Variants in CDKL4 observed in about 807,000 individuals in gnomAD.
The protein encoded by CDKL4 is cyclin-dependent kinase-like 4.
A neutral mutation model predicts 42.0 loss-of-function variants in CDKL4; 44 were observed. The ratio of observed to expected loss-of-function variants is 1.05; its 90% CI spans 0.82 to 1.35. CDKL4 has a LOEUF of 1.35. Ranked by LOEUF, CDKL4 falls within the 40% of genes most tolerant of loss-of-function variation. The probability of loss-of-function intolerance (pLI) is 0.00; values close to 1 mark genes in which losing one functional copy is unlikely to be tolerated. For missense variants in CDKL4, 393 were observed against 369.9 expected, an observed-to-expected ratio of 1.06 and a Z score of -0.51; for synonymous variants, 120 against 121.6, an observed-to-expected ratio of 0.99 and a Z score of 0.09.
In CDKL4 at chr2:39,203,994, T is replaced by G. The variant is rs556323576; in HGVS notation, c.454+533A>C. On this transcript the variant is annotated intron_variant, in intron 5 of 9. Transcript: ENST00000451199. The stretch of plus-strand genomic sequence containing the variant: ...CATATATTTGTCTGCTGTAAAGTTC[T>G]AGATTGAGGGAGAAACAATTATTTG... Among the ~76,000 whole-genome samples, 13 of 152,332 alleles carry G rather than the reference T, an allele frequency of 8.5e-5. No homozygotes were observed. The South Asian group carries it at 2.7e-3, about 32-fold the overall frequency.
downstream of CDKL4, among the ~76,000 whole-genome samples, chr2:39,173,108 G>A (rs973115530): frequency 6.6e-6 from 1 of 152,106 alleles, no homozygotes; most frequent in Non-Finnish European, 1.5e-5. Context: ...ATAATTACAA[G>A]CAAAATGGGC....
At chr2:39,174,666 C>T (rs77739109), downstream of CDKL4, among the ~76,000 whole-genome samples, 3,711 of 152,248 alleles carry the variant, frequency 0.024, 67 homozygotes, top group South Asian at 0.05. Context: ...ATGCCAGACA[C>T]GGGAGCGGAA....
intron 5 of CDKL4, among the ~76,000 whole-genome samples, chr2:39,191,575 G>A (rs923063739): frequency 3.3e-5 from 5 of 152,114 alleles, no homozygotes; most frequent in African/African-American, 1.2e-4. Context: ...GGCAGCCCCA[G>A]GAAACTAATG....
At chr2:39,240,530 C>A (rs1679608607) in intron 1 of CDKL4, among the ~76,000 whole-genome samples, 1 of 151,492 alleles carries the variant, frequency 6.6e-6, no homozygotes. Flanking sequence ...ATGTTCACAG[C>A]ACCATTATTC....
rs146914578 is a variant in CDKL4 at position 39,235,695 on chromosome 2, T to C, written c.-56-6107A>G. The stretch of plus-strand genomic sequence containing the variant: ...CTGGGAGTTCAAGGTTATAGTACTG[T>C]AGAACTATGATCATGCCACTGCACT... On this transcript the variant is annotated intron_variant, in intron 1 of 9. Coordinates refer to ENST00000451199, the Ensembl canonical transcript of CDKL4. Among the ~76,000 whole-genome samples, 237 of 152,202 alleles carry C rather than the reference T, an allele frequency of 1.6e-3. 2 individuals are homozygous for C. Among genetic ancestry groups the C allele is most frequent in the African/African-American group, 5.0e-3 (209 of 41,514 alleles).
chr2:39,245,212 T>G (rs1353281449), upstream of CDKL4, among the ~76,000 whole-genome samples: 1 of 152,178 alleles, frequency 6.6e-6, no homozygotes, highest in East Asian at 1.9e-4. Flanking sequence ...TTTTATGAGT[T>G]GTAACACTCA....
chr2:39,236,200 C>G (rs1256094087), intron 1 of CDKL4, among the ~76,000 whole-genome samples: 1 of 139,558 alleles, frequency 7.2e-6, no homozygotes, highest in African/African-American at 2.7e-5. Context: ...GTAGATGGGA[C>G]AAACAGCAGA....
chr2:39,178,779 A>G (rs776754906), intron 9 of CDKL4: 12 of 1,585,058 alleles, frequency 7.6e-6, no homozygotes, highest in South Asian at 2.3e-5. Flanking sequence ...AAAAGATGGA[A>G]GAGTCAAGTT....
In CDKL4 at chr2:39,184,508, T is replaced by C. The variant is rs1572943653; in HGVS notation, c.792+83A>G. ...TACATCCTATTTTGGCATTATTTAATCCACTGTCCACCCCTCCTCAAATTA... is the reference window on the plus strand; with the variant it reads ...TACATCCTATTTTGGCATTATTTAACCCACTGTCCACCCCTCCTCAAATTA... On this transcript the variant is annotated intron_variant, in intron 8 of 9. Transcript: ENST00000451199. 60 of 888,234 alleles carry C rather than the reference T, an allele frequency of 6.8e-5. No individual in the cohort carries two copies. In the East Asian group the frequency reaches 1.5e-3, roughly 22 times the overall value. The allele number at this position is 888,234 out of a possible 1,614,324, so 55.0% of individuals were successfully genotyped here.
chr2:39,209,126 C>T (rs1304252780), intron 4 of CDKL4, among the ~76,000 whole-genome samples: 5 of 143,096 alleles, frequency 3.5e-5, no homozygotes, highest in Admixed American at 7.1e-5. Context: ...CACAATGAGA[C>T]TATCTCTACA....
chr2:39,226,028 A>G (rs1216398417), intron 2 of CDKL4, 68 bp from the exon 3 acceptor site: 26 of 1,406,600 alleles, frequency 1.8e-5, no homozygotes, highest in Non-Finnish European at 2.4e-5. Context: ...CAGACCCCTT[A>G]AAGAAACTTA....
At chr2:39,171,729 A>T (rs1284097344), downstream of CDKL4, among the ~76,000 whole-genome samples, 1 of 152,150 alleles carries the variant, frequency 6.6e-6, no homozygotes, top group African/African-American at 2.4e-5. Flanking sequence ...CTGTTTGGAG[A>T]CTCTAAGATA....
chr2:39,179,418 T>G, intron 8 of CDKL4, 97 bp from the exon 9 acceptor site: 1 of 1,014,460 alleles, frequency 9.9e-7, no homozygotes, highest in East Asian at 2.5e-5. Context: ...AAATATGAGT[T>G]TAGAAAATCT....
rs1413905553 is a variant in CDKL4 at position 39,185,295 on chromosome 2, TATATACACATATGTATATATAC to T, written c.736-670_736-649del. Reference sequence around the variant, plus strand: ...ATATACACATATGTATATATACATATATATACACATATGTATATATACATATATATACACATATGTATATATA... The same window carrying T: ...ATATACACATATGTATATATACATATATATATATACACATATGTATATATA... On this transcript the variant is annotated intron_variant, in intron 7 of 9. Transcript: ENST00000451199. Among the ~76,000 whole-genome samples, 28 of 34,120 alleles carry T rather than the reference TATATACACATATGTATATATAC, an allele frequency of 8.2e-4. 1 individual carries two copies. Among genetic ancestry groups the T allele is most frequent in the Middle Eastern group, 0.014 (1 of 70 alleles). 22.4% of individuals were successfully genotyped at this position (34,120 alleles called of 152,430 possible). A position where few individuals can be genotyped will look rare whatever the true frequency, so the allele number is the denominator to read the frequency against.
intron 5 of CDKL4, among the ~76,000 whole-genome samples, chr2:39,201,565 G>T (rs1422189108): frequency 6.6e-6 from 1 of 151,978 alleles, no homozygotes; most frequent in African/African-American, 2.4e-5. Context: ...TATGGAACCA[G>T]CCCAAATGTC....
In CDKL4 at chr2:39,226,829, C is replaced by T. The variant is rs536293531; in HGVS notation, c.169-869G>A. Among the ~76,000 whole-genome samples, 3 of 151,532 alleles carry T rather than the reference C, an allele frequency of 2.0e-5. No individual in the cohort carries two copies. The South Asian group carries it at 6.2e-4, about 32-fold the overall frequency. On this transcript the variant is annotated intron_variant, in intron 2 of 9. Coordinates refer to ENST00000451199, the Ensembl canonical transcript of CDKL4. Reference sequence around the variant, plus strand: ...TCGCCCAGGCTGAAGTGCAGTGGCGCCATCTCGGCTCACTACAACCTCCGC... The same window carrying T: ...TCGCCCAGGCTGAAGTGCAGTGGCGTCATCTCGGCTCACTACAACCTCCGC...
At chr2:39,239,733 A>C (rs569437156) in intron 1 of CDKL4, among the ~76,000 whole-genome samples, 53 of 152,344 alleles carry the variant, frequency 3.5e-4, no homozygotes, top group African/African-American at 1.3e-3. Context: ...AACTCACACA[A>C]ATCACTGGTG....
chr2:39,172,727 G>A (rs556026582), downstream of CDKL4, among the ~76,000 whole-genome samples: 6 of 152,072 alleles, frequency 3.9e-5, no homozygotes, highest in South Asian at 1.2e-3. Flanking sequence ...GATTACAGGC[G>A]CCCACCATCA....
At position 39,239,514 on chromosome 2, in the gene CDKL4, G is replaced by C. The variant is rs558794026; in HGVS notation, c.-57+4357C>G. On this transcript the variant is annotated intron_variant, in intron 1 of 9. Coordinates refer to ENST00000451199, the Ensembl canonical transcript of CDKL4. ...AGAGAGCATGCTTACAACTCAATAGGAGGTTAAACAACCCAATTTAAAAAT... is the reference window on the plus strand; with the variant it reads ...AGAGAGCATGCTTACAACTCAATAGCAGGTTAAACAACCCAATTTAAAAAT... Among the ~76,000 whole-genome samples, 9 of 152,264 alleles carry C rather than the reference G, an allele frequency of 5.9e-5. No individual in the cohort carries two copies. The East Asian group carries it at 1.7e-3, about 29-fold the overall frequency.
Sources: gnomAD v4.1 joint callset for allele counts (sites outside exome capture counted in the v4.1 genomes callset) on GRCh38, gnomAD v4.1.1 for gene constraint, MANE v1.5 for transcripts, NCBI Gene and HGNC (gene_info 2026-07-23, HGNC 2026-07-21) for gene names.